Variants in CASK observed in about 807,000 individuals in gnomAD.
CASK encodes calcium/calmodulin dependent serine protein kinase.
Under a neutral mutation model 82.9 loss-of-function variants are expected in CASK, and 4 were observed. That is an observed-to-expected ratio of 0.05 (90% CI 0.02 to 0.11). CASK has a LOEUF of 0.11. Ranked by LOEUF, CASK falls within the 10% of genes least tolerant of loss-of-function variation. The pLI, the probability that CASK is intolerant of heterozygous loss-of-function variation, is 1.00. For synonymous variants in CASK, 259 were observed against 253.5 expected, an observed-to-expected ratio of 1.02 and a Z score of -0.20; for missense variants, 358 against 720.9, an observed-to-expected ratio of 0.50 and a Z score of 5.76.
intron 12 of CASK, among the ~76,000 whole-genome samples, chrX:41,608,836 C>G (rs1471763366): frequency 1.8e-5 from 2 of 111,734 alleles, no homozygotes; most frequent in East Asian, 5.6e-4. Flanking sequence ...TGCAAAGTAT[C>G]TCATTTGCTT....
At chrX:41,583,338 C>A (rs2147215115) in intron 14 of CASK, among the ~76,000 whole-genome samples, 1 of 112,079 alleles carries the variant, frequency 8.9e-6, no homozygotes, top group African/African-American at 3.2e-5. Flanking sequence ...TAGCTTACTT[C>A]AAATCTGAAA....
At chrX:41,553,502 C>CT (rs780667300) in intron 21 of CASK, among the ~76,000 whole-genome samples, 1 of 111,326 alleles carries the variant, frequency 9.0e-6, no homozygotes, top group African/African-American at 3.3e-5. Context: ...ACCTTCCTTT[C>CT]TTTTTGTGTA....
intron 1 of CASK, among the ~76,000 whole-genome samples, chrX:41,866,550 G>A (rs1167696571): frequency 1.8e-5 from 2 of 112,026 alleles, no homozygotes; most frequent in Non-Finnish European, 3.8e-5. Context: ...AGGACATTTA[G>A]TTATATTTAT....
rs3203642 is a variant in CASK, at chrX:41,515,144, G to A, written c.*5276C>T. 13,656 of 111,845 alleles carry A rather than the reference G, an allele frequency of 0.12. 638 individuals carry two copies. The highest frequency in any genetic ancestry group is 0.16 in the Middle Eastern group (33 of 212). 9.2% of individuals were successfully genotyped at this position (111,845 alleles called of 1,213,427 possible). A position where few individuals can be genotyped will look rare whatever the true frequency, so the allele number is the denominator to read the frequency against. On this transcript the variant is annotated 3_prime_UTR_variant, in exon 27 of 27. Transcript: ENST00000378163. Reference sequence around the variant, plus strand: ...CCGGCAGCGCACCAGCATTCTGGTTGTTCCGGCGACAGGGCAAAGGGATCA... The same window carrying A: ...CCGGCAGCGCACCAGCATTCTGGTTATTCCGGCGACAGGGCAAAGGGATCA...
intron 8 of CASK, among the ~76,000 whole-genome samples, chrX:41,654,253 A>T (rs896969118): frequency 1.8e-5 from 2 of 111,909 alleles, no homozygotes; most frequent in African/African-American, 6.5e-5. Flanking sequence ...GAAAGTTTAA[A>T]TGGTTATTAA....
chrX:41,847,700 T>C (rs2071185359), intron 2 of CASK, among the ~76,000 whole-genome samples: 1 of 112,480 alleles, frequency 8.9e-6, no homozygotes, highest in Non-Finnish European at 1.9e-5. Context: ...TTATTGTTGC[T>C]GTTTATTGTT....
chrX:41,577,682 C>T (rs1279681192), intron 15 of CASK, among the ~76,000 whole-genome samples: 2 of 111,049 alleles, frequency 1.8e-5, no homozygotes, highest in East Asian at 5.6e-4. Context: ...ATAGTATTCC[C>T]CTGCTTCCCC....
chrX:41,613,994 T>C (rs2066151675), intron 11 of CASK, among the ~76,000 whole-genome samples: 1 of 112,470 alleles, frequency 8.9e-6, no homozygotes, highest in African/African-American at 3.2e-5. Context: ...ACTTTTTATT[T>C]TGAGATAATT....
At chrX:41,698,730 A>C (rs1201219987) in intron 5 of CASK, among the ~76,000 whole-genome samples, 1 of 111,384 alleles carries the variant, frequency 9.0e-6, no homozygotes, top group Non-Finnish European at 1.9e-5. Flanking sequence ...TTTATGTAAA[A>C]GCATCTTAGG....
intron 2 of CASK, among the ~76,000 whole-genome samples, chrX:41,836,294 T>C (rs989342576): frequency 8.9e-6 from 1 of 112,170 alleles, no homozygotes; most frequent in Non-Finnish European, 1.9e-5. Context: ...ACTATTATGA[T>C]CAGGAACTGT....
chrX:41,922,091 C>CT (rs2072793231), intron 1 of CASK, among the ~76,000 whole-genome samples: 1 of 111,503 alleles, frequency 9.0e-6, no homozygotes, highest in African/African-American at 3.3e-5. Flanking sequence ...GAAAAGGAAA[C>CT]TATTCAAAAT....
chrX:41,609,175 G>C (rs2066003252), intron 12 of CASK, among the ~76,000 whole-genome samples: 1 of 112,055 alleles, frequency 8.9e-6, no homozygotes, highest in Admixed American at 9.4e-5. Context: ...GAGTGCAATG[G>C]AGCGATCTCG....
In CASK at chrX:41,534,929, G is replaced by A; in HGVS notation, c.2200C>T (p.Leu734=). ...AGTGTTTTCCTCTTGAATGCTGGCAGTTTTACTACTTCTTCATATGTGACA... is the reference window on the plus strand; with the variant it reads ...AGTGTTTTCCTCTTGAATGCTGGCAATTTTACTACTTCTTCATATGTGACA... The part of the protein sequence containing the change: ...DLVTYEEVVK[L]PAFKRKTLVL... Residue 734 remains leucine (L), a synonymous_variant, in exon 23 of 27, where the codon CTG becomes TTG. Coordinates refer to ENST00000378163, the MANE Select transcript of CASK (RefSeq NM_001367721.1). The A allele has an allele frequency of 8.3e-7, 1 of 1,199,937 alleles. No homozygotes were observed. The highest frequency in any genetic ancestry group is 1.8e-5 in the South Asian group (1 of 56,449).
At chrX:41,650,775 G>A (rs1224395590) in intron 8 of CASK, among the ~76,000 whole-genome samples, 1 of 109,843 alleles carries the variant, frequency 9.1e-6, no homozygotes, top group Non-Finnish European at 1.9e-5. Flanking sequence ...CAATTTGCAA[G>A]GTATCCAGGT....
chrX:41,648,098 T>C (rs1354700244), intron 8 of CASK, among the ~76,000 whole-genome samples: 3 of 111,927 alleles, frequency 2.7e-5, no homozygotes, highest in Non-Finnish European at 5.6e-5. Context: ...TATCGCTGAA[T>C]TCTTTTTCTC....
rs773912652 is a variant in CASK at position 41,665,346 on chromosome X, G to A, written c.639C>T (p.Leu213=). Residue 213 remains leucine, a synonymous_variant, in exon 7 of 27, where the codon CTC becomes CTT. Coordinates refer to ENST00000378163, the MANE Select transcript of CASK (RefSeq NM_001367721.1). ...TTCCGTAAAAAGGCAAACAACCACT[G>A]AGCAGGATAAAAAGGATCACACCGC... The part of the protein sequence containing the change: ...WGCGVILFIL[L]SGCLPFYGTK... 1 of 1,207,943 alleles carries A rather than the reference G, an allele frequency of 8.3e-7. No homozygotes were observed. The highest frequency in any genetic ancestry group is 1.8e-5 in the South Asian group (1 of 56,674).
chrX:41,916,560 G>A (rs906868607), intron 1 of CASK, among the ~76,000 whole-genome samples: 7 of 112,266 alleles, frequency 6.2e-5, no homozygotes, highest in Non-Finnish European at 3.8e-5. Flanking sequence ...GCTGGGGTCC[G>A]GTACCTGCTC....
intron 5 of CASK, among the ~76,000 whole-genome samples, chrX:41,717,285 T>C (rs757634371): frequency 4.8e-3 from 542 of 112,512 alleles, no homozygotes; most frequent in Non-Finnish European, 5.6e-3. Flanking sequence ...TTAATTTGCC[T>C]TGCTGAGAAA....
rs143353414 is a variant in CASK at position 41,574,102 on chromosome X, C to T, written c.1503+4238G>A. Among the ~76,000 whole-genome samples, 78 of 110,753 alleles carry T rather than the reference C, an allele frequency of 7.0e-4. 1 individual carries two copies. In the East Asian group the frequency reaches 0.021, roughly 30 times the overall value. ...AATTTCCTATTAGACATGCACTGATCGATACTCTGCTGAATACTTGAGGGA... is the reference window on the plus strand; with the variant it reads ...AATTTCCTATTAGACATGCACTGATTGATACTCTGCTGAATACTTGAGGGA... On this transcript the variant is annotated intron_variant, in intron 15 of 26. Coordinates refer to ENST00000378163, the MANE Select transcript of CASK (RefSeq NM_001367721.1).
Sources: allele counts gnomAD v4.1 joint callset (sites outside exome capture counted in the v4.1 genomes callset), GRCh38; gene constraint gnomAD v4.1.1; transcripts MANE v1.5; gene names NCBI Gene and HGNC (gene_info 2026-07-23, HGNC 2026-07-21).